MBNL2: variants seen among roughly 807,000 people sequenced by gnomAD.
MBNL2 encodes the protein muscleblind like splicing regulator 2.
MBNL2 carries 17 observed loss-of-function variants against 41.9 expected under a neutral mutation model. The observed-to-expected ratio is 0.41, with a 90% confidence interval of 0.28 to 0.61. MBNL2 has a LOEUF of 0.61. Among genes scored for constraint, MBNL2 ranks in the 20% least tolerant of loss-of-function variants. The probability of loss-of-function intolerance (pLI) is 0.35; values close to 1 mark genes in which losing one functional copy is unlikely to be tolerated. For synonymous variants in MBNL2, 195 were observed against 182.9 expected (o/e 1.07, Z -0.53); for missense variants, 336 against 505.6 (o/e 0.66, Z 3.22).
At position 97,273,033 on chromosome 13, in the gene MBNL2, G is replaced by C. The variant is rs540571909; in HGVS notation, c.-604-2599G>C. On this transcript the variant is annotated intron_variant, in intron 1 of 8. Coordinates refer to ENST00000679496, the MANE Select transcript of MBNL2 (RefSeq NM_001382683.1). The stretch of plus-strand genomic sequence containing the variant: ...TTCACTGAACTGCATTGGAAGCATA[G>C]CTCCTGGAGAACTTTTAGGAACATC... Among the ~76,000 whole-genome samples, 3 of 152,306 alleles carry C rather than the reference G, an allele frequency of 2.0e-5. No homozygotes were observed. The South Asian group carries it at 6.2e-4, about 32-fold the overall frequency.
chr13:97,204,219 C>T, the MBNL2 span, among the ~76,000 whole-genome samples: 7 of 152,266 alleles, frequency 4.6e-5, 1 homozygote, highest in East Asian at 1.2e-3. Context: ...AGGATAAGGT[C>T]GTCTTCTCAA....
At chr13:97,220,135 T>G (rs951363294), upstream of MBNL2, among the ~76,000 whole-genome samples, 3 of 152,338 alleles carry the variant, frequency 2.0e-5, no homozygotes, top group Middle Eastern at 3.4e-3. Flanking sequence ...TTTTGCTAAC[T>G]GCAATGAACA....
chr13:97,187,439 G>C, the MBNL2 span, among the ~76,000 whole-genome samples: 2 of 151,420 alleles, frequency 1.3e-5, no homozygotes, highest in Non-Finnish European at 2.9e-5. Flanking sequence ...GAAGCTAAAA[G>C]GTTCAAAAAT....
intron 2 of MBNL2, among the ~76,000 whole-genome samples, chr13:97,300,971 G>A (rs2057561394): frequency 6.6e-6 from 1 of 152,122 alleles, no homozygotes; most frequent in African/African-American, 2.4e-5. Flanking sequence ...TGTCCCCTTT[G>A]GAAACATCTG....
chr13:97,144,788 GA>G, the MBNL2 span, among the ~76,000 whole-genome samples: 1 of 152,276 alleles, frequency 6.6e-6, no homozygotes, highest in East Asian at 1.9e-4. Flanking sequence ...GGCGGAGGAT[GA>G]GGAGGAAATA....
At chr13:97,197,502 A>G in the MBNL2 span, among the ~76,000 whole-genome samples, 1 of 152,088 alleles carries the variant, frequency 6.6e-6, no homozygotes, top group Non-Finnish European at 1.5e-5. Context: ...TGCTATAACC[A>G]GTTTTCTTTT....
At chr13:97,175,246 GT>G in the MBNL2 span, among the ~76,000 whole-genome samples, 1 of 152,004 alleles carries the variant, frequency 6.6e-6, no homozygotes, top group Admixed American at 6.6e-5. Flanking sequence ...CCTCTCACAG[GT>G]GCCAGACCTG....
chr13:97,206,871 G>T, the MBNL2 span, among the ~76,000 whole-genome samples: 1 of 152,162 alleles, frequency 6.6e-6, no homozygotes, highest in African/African-American at 2.4e-5. Context: ...ATGGGTTCAG[G>T]TTAAAGTCAT....
Position 97,334,451 on chromosome 13 carries a change from C to T in MBNL2, c.339+11C>T, listed in dbSNP as rs2060708002. 6.3e-7 allele frequency: 1 copy of T among 1,598,594 alleles called. No individual in the cohort carries two copies. The highest frequency in any genetic ancestry group is 8.5e-7 in the Non-Finnish European group (1 of 1,170,676). ...CCACTTCATCCAGTGGTGAGTACAT[C>T]TTTATTCAGTGATGAGTTGGATGGT... is the stretch of plus-strand genomic sequence containing the variant. On this transcript the variant is annotated intron_variant, in intron 3 of 8. Transcript: ENST00000679496. This position sits in a 1 kb window ranked among gnomAD's most constrained non-coding sequence, Gnocchi z 5.3.
At chr13:97,312,588 G>C (rs963819724) in intron 2 of MBNL2, among the ~76,000 whole-genome samples, 1 of 152,154 alleles carries the variant, frequency 6.6e-6, no homozygotes, top group Non-Finnish European at 1.5e-5. Flanking sequence ...AGCTCTCAAA[G>C]ACCAGGAAAC....
At chr13:97,317,392 C>T (rs1317199717) in intron 2 of MBNL2, among the ~76,000 whole-genome samples, 2 of 152,196 alleles carry the variant, frequency 1.3e-5, no homozygotes, top group Non-Finnish European at 2.9e-5. Flanking sequence ...ATGACATGCT[C>T]AGGACAGGCA....
chr13:97,166,208 T>C, the MBNL2 span, among the ~76,000 whole-genome samples: 3 of 152,354 alleles, frequency 2.0e-5, no homozygotes, highest in South Asian at 4.1e-4. Flanking sequence ...ATGTATTATT[T>C]GGGATATTTC....
rs189659274 is a variant in MBNL2, at chr13:97,231,890, A to C, written c.-605+9359A>C. Among the ~76,000 whole-genome samples the C allele has an allele frequency of 2.1e-4, 32 of 152,010 alleles. 1 individual carries two copies. The highest frequency in any genetic ancestry group is 2.1e-3 in the Admixed American group (32 of 15,260). On this transcript the variant is annotated intron_variant, in intron 1 of 8. Transcript: ENST00000679496. ...TGGATGGTGGTCAGAACTGGAGCCCAGAAGTCTGATGTGCCTACTTGCATC... is the reference window on the plus strand; with the variant it reads ...TGGATGGTGGTCAGAACTGGAGCCCCGAAGTCTGATGTGCCTACTTGCATC...
the MBNL2 span, among the ~76,000 whole-genome samples, chr13:97,206,333 A>C: frequency 6.6e-6 from 1 of 151,938 alleles, no homozygotes; most frequent in African/African-American, 2.4e-5. Context: ...CTACTAGATA[A>C]GCATGTGATT....
the MBNL2 span, among the ~76,000 whole-genome samples, chr13:97,170,822 C>T: frequency 3.3e-5 from 5 of 152,194 alleles, no homozygotes; most frequent in African/African-American, 1.2e-4. Flanking sequence ...TCAGGCTCCT[C>T]TCCTCTCCCT....
At chr13:97,380,857 T>G (rs1409367741) in intron 8 of MBNL2, among the ~76,000 whole-genome samples, 1 of 152,180 alleles carries the variant, frequency 6.6e-6, no homozygotes, top group Non-Finnish European at 1.5e-5. Context: ...GAGGGCTTAC[T>G]GGGGAGGGCA....
At chr13:97,198,442 G>C in the MBNL2 span, among the ~76,000 whole-genome samples, 3,201 of 150,916 alleles carry the variant, frequency 0.021, 82 homozygotes, top group African/African-American at 0.074. Flanking sequence ...CATGATCATG[G>C]AGGCTGGCAA....
intron 1 of MBNL2, among the ~76,000 whole-genome samples, chr13:97,255,733 C>T (rs533288082): frequency 6.6e-6 from 1 of 152,168 alleles, no homozygotes; most frequent in Admixed American, 6.5e-5. Flanking sequence ...CTGTTTAGGA[C>T]CTCATGTGCT....
chr13:97,310,782 C>CTT (rs11345201), intron 2 of MBNL2, among the ~76,000 whole-genome samples: 171 of 135,994 alleles, frequency 1.3e-3, no homozygotes, highest in Middle Eastern at 3.8e-3. Flanking sequence ...AATTCAGCAT[C>CTT]TTTTTTTTTT....
Sources: allele counts gnomAD v4.1 joint callset (sites outside exome capture counted in the v4.1 genomes callset), GRCh38; gene constraint gnomAD v4.1.1; non-coding constraint Gnocchi (gnomAD v3.1); transcripts MANE v1.5; gene names NCBI Gene and HGNC (gene_info 2026-07-23, HGNC 2026-07-21).